CPA6: variants seen among roughly 807,000 people sequenced by gnomAD.
CPA6 encodes carboxypeptidase A6, also known as carboxypeptidase B.
Under a neutral mutation model 63.3 loss-of-function variants are expected in CPA6, and 58 were observed. The observed-to-expected ratio is 0.92, with a 90% CI of 0.74 to 1.14. CPA6 has a LOEUF of 1.14. Among genes scored for constraint, CPA6 ranks in the 50% most tolerant of loss-of-function variants. The pLI is 0.00. For synonymous variants in CPA6, 185 were observed against 179.0 expected (o/e 1.03, Z -0.27); for missense variants, 565 against 526.6 (o/e 1.07, Z -0.71).
intron 8 of CPA6, among the ~76,000 whole-genome samples, chr8:67,475,926 C>A (rs1032564607): frequency 1.2e-5 from 1 of 81,146 alleles, no homozygotes; most frequent in Non-Finnish European, 2.4e-5. Context: ...TTCTTTCTTT[C>A]TTTCTTTCTC....
At chr8:67,644,939 G>A (rs1039326949) in intron 1 of CPA6, among the ~76,000 whole-genome samples, 2 of 152,168 alleles carry the variant, frequency 1.3e-5, no homozygotes, top group South Asian at 4.1e-4. Flanking sequence ...ACGTGTCTCA[G>A]AATGCACCTA....
At chr8:67,661,972 A>G (rs534007219) in intron 1 of CPA6, among the ~76,000 whole-genome samples, 1 of 152,272 alleles carries the variant, frequency 6.6e-6, no homozygotes, top group African/African-American at 2.4e-5. Flanking sequence ...GTCATATTCC[A>G]TTGCATGGAT....
At chr8:67,582,496 G>A (rs1423808836) in intron 2 of CPA6, among the ~76,000 whole-genome samples, 2 of 152,312 alleles carry the variant, frequency 1.3e-5, no homozygotes, top group South Asian at 4.1e-4. Flanking sequence ...TTCAGCCATA[G>A]TGTGAGTGAC....
intron 2 of CPA6, among the ~76,000 whole-genome samples, chr8:67,616,546 T>TGTGTGA (rs1814956703): frequency 7.6e-6 from 1 of 131,514 alleles, no homozygotes; most frequent in Admixed American, 7.9e-5. Context: ...TGTGTGTGTG[T>TGTGTGA]GTGTGTTGTG....
chr8:67,479,533 A>G (rs1811313453), intron 8 of CPA6, among the ~76,000 whole-genome samples: 1 of 152,098 alleles, frequency 6.6e-6, no homozygotes, highest in South Asian at 2.1e-4. Flanking sequence ...GCAAAGGGAG[A>G]GTTTTCCCTT....
At chr8:67,490,070 A>T (rs773588029) in intron 6 of CPA6, among the ~76,000 whole-genome samples, 3 of 152,182 alleles carry the variant, frequency 2.0e-5, no homozygotes, top group Non-Finnish European at 4.4e-5. Flanking sequence ...GGTCACACAA[A>T]GCAAGAATCA....
intron 1 of CPA6, among the ~76,000 whole-genome samples, chr8:67,679,649 T>C (rs1398563216): frequency 3.3e-5 from 5 of 152,200 alleles, no homozygotes; most frequent in Non-Finnish European, 7.3e-5. Flanking sequence ...GGGGTATCCA[T>C]AGCTGTCATG....
intron 2 of CPA6, among the ~76,000 whole-genome samples, chr8:67,545,107 A>G (rs1031239315): frequency 1.3e-5 from 2 of 152,362 alleles, no homozygotes; most frequent in East Asian, 1.9e-4. Context: ...ATGATATTTT[A>G]TAATTATAAA....
At chr8:67,709,608 T>C (rs1205984419) in intron 1 of CPA6, among the ~76,000 whole-genome samples, 2 of 152,180 alleles carry the variant, frequency 1.3e-5, no homozygotes, top group Non-Finnish European at 2.9e-5. Context: ...CCATTGTGAG[T>C]GACCATGGCC....
chr8:67,637,824 C>G (rs987571853), intron 1 of CPA6, among the ~76,000 whole-genome samples: 8 of 151,250 alleles, frequency 5.3e-5, no homozygotes, highest in Admixed American at 2.0e-4. Context: ...TTTGGGGGCT[C>G]AGTAGATTGA....
intron 6 of CPA6, among the ~76,000 whole-genome samples, chr8:67,495,206 T>C (rs982243347): frequency 1.3e-5 from 2 of 152,208 alleles, no homozygotes; most frequent in African/African-American, 4.8e-5. Context: ...TCCCCCAACT[T>C]CAATGACACC....
At chr8:67,646,437 G>A (rs541556103) in intron 1 of CPA6, among the ~76,000 whole-genome samples, 15 of 152,266 alleles carry the variant, frequency 9.9e-5, no homozygotes, top group East Asian at 3.9e-4. Flanking sequence ...TCATGGGATC[G>A]AACAGGGAAA....
intron 2 of CPA6, among the ~76,000 whole-genome samples, chr8:67,550,592 A>G (rs1224620390): frequency 2.0e-5 from 3 of 152,096 alleles, no homozygotes; most frequent in Non-Finnish European, 2.9e-5. Context: ...TGGTAGTCCT[A>G]AGTTCTCTGA....
intron 8 of CPA6, among the ~76,000 whole-genome samples, chr8:67,456,990 C>T (rs1446803079): frequency 6.6e-6 from 1 of 152,208 alleles, no homozygotes; most frequent in African/African-American, 2.4e-5. Context: ...GGGAAGGAAA[C>T]AGATTCTCCC....
chr8:67,463,887 G>T (rs1356299737), intron 8 of CPA6, among the ~76,000 whole-genome samples: 5 of 152,164 alleles, frequency 3.3e-5, no homozygotes, highest in Non-Finnish European at 7.3e-5. Flanking sequence ...ATATTCCATG[G>T]TATATATGTA....
At chr8:67,539,981 C>T (rs1587537991) in intron 2 of CPA6, among the ~76,000 whole-genome samples, 1 of 152,122 alleles carries the variant, frequency 6.6e-6, no homozygotes, top group Non-Finnish European at 1.5e-5. Context: ...TATTACCCAC[C>T]TTCTGAAGCC....
intron 1 of CPA6, among the ~76,000 whole-genome samples, chr8:67,654,848 C>T (rs534536082): frequency 3.3e-5 from 5 of 152,246 alleles, no homozygotes; most frequent in Non-Finnish European, 5.9e-5. Context: ...CAAGGGCTTA[C>T]GATGATAGGT....
intron 8 of CPA6, among the ~76,000 whole-genome samples, chr8:67,455,117 A>G (rs969838370): frequency 2.6e-5 from 4 of 152,304 alleles, no homozygotes; most frequent in Non-Finnish European, 5.9e-5. Flanking sequence ...TGTGAACCCT[A>G]GCTTTTCTGG....
At chr8:67,473,418 T>C (rs758497013) in intron 8 of CPA6, among the ~76,000 whole-genome samples, 2 of 152,110 alleles carry the variant, frequency 1.3e-5, no homozygotes, top group Non-Finnish European at 2.9e-5. Context: ...AAAGGTAAGA[T>C]AGTAGCAGTA....
Sources: allele counts gnomAD v4.1 joint callset (sites outside exome capture counted in the v4.1 genomes callset), GRCh38; gene constraint gnomAD v4.1.1; transcripts MANE v1.5; gene names NCBI Gene and HGNC (gene_info 2026-07-23, HGNC 2026-07-21).